The following BARX2 variants were observed in gnomAD, a reference collection of about 807,000 sequenced individuals.
BARX2 encodes the protein BARX homeobox 2.
Under a neutral mutation model 25.5 loss-of-function variants are expected in BARX2, and 11 were observed. The observed-to-expected ratio is 0.43, with a 90% CI of 0.27 to 0.71. BARX2 has a LOEUF of 0.71. Among genes scored for constraint, BARX2 ranks in the 30% least tolerant of loss-of-function variants. The probability of loss-of-function intolerance (pLI) is 0.19; values close to 1 mark genes in which losing one functional copy is unlikely to be tolerated. For missense variants in BARX2, 360 were observed against 359.9 expected (o/e 1.00, Z 0.00); for synonymous variants, 137 against 149.5 (o/e 0.92, Z 0.61).
chr11:129,408,106 C>A (rs1174013763), intron 1 of BARX2, among the ~76,000 whole-genome samples: 1 of 149,416 alleles, frequency 6.7e-6, no homozygotes, highest in East Asian at 2.0e-4. Context: ...AACAGAACAA[C>A]CTCTGCAGGA....
At chr11:129,417,934 T>G (rs1476361525) in intron 1 of BARX2, among the ~76,000 whole-genome samples, 1 of 152,224 alleles carries the variant, frequency 6.6e-6, no homozygotes, top group African/African-American at 2.4e-5. Flanking sequence ...TCCTGCAGTT[T>G]AAAAATAGAT....
chr11:129,383,758 A>G (rs915238087), intron 1 of BARX2, among the ~76,000 whole-genome samples: 1 of 152,196 alleles, frequency 6.6e-6, no homozygotes, highest in Non-Finnish European at 1.5e-5. Flanking sequence ...TTCCATGTAC[A>G]AGCAGACACG....
intron 3 of BARX2, among the ~76,000 whole-genome samples, chr11:129,445,496 G>A (rs1022989878): frequency 1.3e-5 from 2 of 152,144 alleles, no homozygotes; most frequent in African/African-American, 4.8e-5. Context: ...GTTATTGATG[G>A]GTATCAATGC....
rs1862400673 is a variant in BARX2, at chr11:129,451,467, T to C, written c.*65T>C. The C allele has an allele frequency of 1.3e-6, 2 of 1,549,626 alleles. No homozygotes were observed. The highest frequency in any genetic ancestry group is 1.2e-5 in the South Asian group (1 of 82,074). On this transcript the variant is annotated 3_prime_UTR_variant, in exon 4 of 4. Transcript: ENST00000281437. ...GGGAAAAGAGAGAAGGCAGGGAGAG[T>C]AGGGAGAGAAAACCTTCCAGCAGCC...
At chr11:129,425,284 G>A (rs2135405753) in intron 1 of BARX2, among the ~76,000 whole-genome samples, 1 of 152,164 alleles carries the variant, frequency 6.6e-6, no homozygotes, top group East Asian at 1.9e-4. Context: ...CCTAATTCAA[G>A]GTTTGAATTA....
chr11:129,420,259 A>G (rs868739063), intron 1 of BARX2, among the ~76,000 whole-genome samples: 6 of 152,264 alleles, frequency 3.9e-5, no homozygotes, highest in African/African-American at 1.4e-4. Flanking sequence ...ACATCACATC[A>G]TTAGCTGTGA....
chr11:129,440,865 C>T (rs1862247554), intron 2 of BARX2, among the ~76,000 whole-genome samples: 2 of 152,182 alleles, frequency 1.3e-5, no homozygotes, highest in Admixed American at 6.5e-5. Context: ...TGACTGTGGG[C>T]CCGAGATTCA....
chr11:129,380,150 AGGAAG>A (rs1344215919), intron 1 of BARX2, among the ~76,000 whole-genome samples: 1 of 152,038 alleles, frequency 6.6e-6, no homozygotes, highest in Non-Finnish European at 1.5e-5. Flanking sequence ...CTCAGAAATC[AGGAAG>A]ACTTTTCCAA....
intron 1 of BARX2, among the ~76,000 whole-genome samples, chr11:129,389,082 A>G (rs1363691628): frequency 6.6e-6 from 1 of 151,440 alleles, no homozygotes; most frequent in Non-Finnish European, 1.5e-5. Context: ...ATGACACGTA[A>G]TTTCCTCATC....
At chr11:129,410,935 A>G (rs1861880034) in intron 1 of BARX2, among the ~76,000 whole-genome samples, 1 of 152,210 alleles carries the variant, frequency 6.6e-6, no homozygotes, top group Non-Finnish European at 1.5e-5. Flanking sequence ...CGGTGCAGCC[A>G]CAGTATAGCC....
intron 1 of BARX2, among the ~76,000 whole-genome samples, chr11:129,432,541 C>T (rs1026799632): frequency 6.6e-6 from 1 of 152,186 alleles, no homozygotes; most frequent in Non-Finnish European, 1.5e-5. Flanking sequence ...CCCAGGAGAA[C>T]ACCCACAATG....
At chr11:129,405,017 C>CGT (rs1444393748) in intron 1 of BARX2, among the ~76,000 whole-genome samples, 1 of 152,176 alleles carries the variant, frequency 6.6e-6, no homozygotes, top group African/African-American at 2.4e-5. Context: ...TACATCCATA[C>CGT]GTATAGCCTC....
At position 129,376,310 on chromosome 11, in the gene BARX2, G is replaced by A; in HGVS notation, c.187+88G>A. 2 of 1,277,490 alleles carry A rather than the reference G, an allele frequency of 1.6e-6. No homozygotes were observed. Among genetic ancestry groups the A allele is most frequent in the Non-Finnish European group, 2.1e-6 (2 of 930,792 alleles). The allele number at this position is 1,277,490 out of a possible 1,614,324, so 79.1% of individuals were successfully genotyped here. On this transcript the variant is annotated intron_variant, in intron 1 of 3. Transcript: ENST00000281437. This position sits in a 1 kb window ranked among gnomAD's most constrained non-coding sequence, Gnocchi z 4.2. Reference sequence around the variant, plus strand: ...GTGCTTTGCGATCCGAGGGCGAGAGGAAGGGTTAAGTTAAGGGATTCTTTT... The same window carrying A: ...GTGCTTTGCGATCCGAGGGCGAGAGAAAGGGTTAAGTTAAGGGATTCTTTT...
intron 1 of BARX2, among the ~76,000 whole-genome samples, chr11:129,419,553 T>A (rs757564386): frequency 6.6e-6 from 1 of 152,148 alleles, no homozygotes; most frequent in African/African-American, 2.4e-5. Context: ...TGTGACCTCA[T>A]CATGGGATAG....
chr11:129,404,566 T>A (rs1861810300), intron 1 of BARX2, among the ~76,000 whole-genome samples: 1 of 152,222 alleles, frequency 6.6e-6, no homozygotes, highest in African/African-American at 2.4e-5. Flanking sequence ...TCCGGGCTTT[T>A]CCCTGCCTCC....
chr11:129,408,816 C>T (rs937287811), intron 1 of BARX2, among the ~76,000 whole-genome samples: 2 of 152,170 alleles, frequency 1.3e-5, no homozygotes, highest in African/African-American at 4.8e-5. Context: ...TTATTTTTCT[C>T]TCTCTAGACT....
Position 129,425,428 on chromosome 11 carries a change from A to G in BARX2, c.188-11323A>G, listed in dbSNP as rs377079948. Among the ~76,000 whole-genome samples the G allele has an allele frequency of 3.9e-5, 6 of 152,318 alleles. No individual in the cohort carries two copies. The East Asian group carries it at 9.7e-4, about 25-fold the overall frequency. On this transcript the variant is annotated intron_variant, in intron 1 of 3. Transcript: ENST00000281437. ...GGAGTGCTTGTGAAGCATGGATGAA[A>G]GCAGGTGTGGGTGTATATGGAAAAC...
chr11:129,452,191 A>G lies in BARX2; in HGVS notation c.*789A>G, dbSNP rs1488475199. ...AAAAACATTTGTGACCTTCGGCATA[A>G]ATGGGTTAAGGTGCCATCCCTGAAA... is the stretch of plus-strand genomic sequence containing the variant. On this transcript the variant is annotated 3_prime_UTR_variant, in exon 4 of 4. Coordinates refer to ENST00000281437, the MANE Select transcript of BARX2 (RefSeq NM_003658.5). 2 of 152,148 alleles carry G rather than the reference A, an allele frequency of 1.3e-5. No homozygotes were observed. Among genetic ancestry groups the G allele is most frequent in the African/African-American group, 4.8e-5 (2 of 41,434 alleles). 9.4% of individuals were successfully genotyped at this position (152,148 alleles called of 1,614,324 possible).
chr11:129,388,949 C>T (rs1861641411), intron 1 of BARX2, among the ~76,000 whole-genome samples: 1 of 152,146 alleles, frequency 6.6e-6, no homozygotes, highest in Admixed American at 6.5e-5. Context: ...TCAGTTTCCT[C>T]ATCTGTGAAA....
Sources: allele counts gnomAD v4.1 joint callset (sites outside exome capture counted in the v4.1 genomes callset), GRCh38; gene constraint gnomAD v4.1.1; non-coding constraint Gnocchi (gnomAD v3.1); transcripts MANE v1.5; gene names NCBI Gene and HGNC (gene_info 2026-07-23, HGNC 2026-07-21).